Variants in STK32B observed in about 807,000 individuals in gnomAD.
STK32B encodes the protein serine/threonine-protein kinase 32B.
STK32B carries 43 observed loss-of-function variants against 52.6 expected under a neutral mutation model. The ratio of observed to expected loss-of-function variants is 0.82; its 90% CI spans 0.64 to 1.05. The LOEUF is 1.05. Ranked by LOEUF, STK32B falls within the 50% of genes least tolerant of loss-of-function variation. STK32B has a pLI of 0.00. For missense variants in STK32B, 621 were observed against 534.6 expected, an observed-to-expected ratio of 1.16 and a Z score of -1.59; for synonymous variants, 238 against 204.3, an observed-to-expected ratio of 1.17 and a Z score of -1.41.
chr4:5,073,481 A>G (rs1711897290), intron 1 of STK32B, among the ~76,000 whole-genome samples: 1 of 151,886 alleles, frequency 6.6e-6, no homozygotes, highest in Non-Finnish European at 1.5e-5. Flanking sequence ...AACTCATGGT[A>G]TGTGTTATTA....
At position 5,398,964 on chromosome 4, in the gene STK32B, G is replaced by T. The variant is rs374123064; in HGVS notation, c.472+720G>T. Among the ~76,000 whole-genome samples the T allele has an allele frequency of 6.6e-5, 10 of 152,204 alleles. No homozygotes were observed. In the East Asian group the frequency reaches 1.9e-3, roughly 29 times the overall value. ...TACCTGGGGGACCTGGTAAAAATCA[G>T]AGGTCAGGCCCGGTCCTGCTTCAGC... On this transcript the variant is annotated intron_variant, in intron 5 of 11. Coordinates refer to ENST00000282908, the MANE Select transcript of STK32B (RefSeq NM_018401.3). The surrounding 1 kb of genome is among the most constrained non-coding windows in gnomAD (Gnocchi z 4.9).
chr4:5,309,545 A>G (rs1490705969), intron 3 of STK32B, among the ~76,000 whole-genome samples: 3 of 152,222 alleles, frequency 2.0e-5, no homozygotes, highest in East Asian at 3.9e-4. Flanking sequence ...ACATAGACCA[A>G]TGGAGCAGAA....
chr4:5,082,543 A>G (rs990566902), intron 1 of STK32B, among the ~76,000 whole-genome samples: 1 of 152,178 alleles, frequency 6.6e-6, no homozygotes, highest in East Asian at 1.9e-4. Context: ...ATTTTTGTCT[A>G]TCTGATTCAC....
chr4:5,088,427 TTA>T (rs1712858995), intron 1 of STK32B, among the ~76,000 whole-genome samples: 1 of 152,078 alleles, frequency 6.6e-6, no homozygotes, highest in Admixed American at 6.6e-5. Flanking sequence ...TCAATAATAA[TTA>T]TATGTTTTAA....
chr4:5,328,856 C>G (rs186510203), intron 3 of STK32B, among the ~76,000 whole-genome samples: 18 of 152,240 alleles, frequency 1.2e-4, no homozygotes, highest in Admixed American at 1.0e-3. Context: ...ACATGCTCCT[C>G]TCTTTGTTGA....
At chr4:5,247,769 C>G (rs760944208) in intron 3 of STK32B, among the ~76,000 whole-genome samples, 13 of 152,136 alleles carry the variant, frequency 8.5e-5, no homozygotes, top group African/African-American at 2.4e-4. Context: ...ACCCAGAGCC[C>G]TAGCCAAGGA....
intron 3 of STK32B, among the ~76,000 whole-genome samples, chr4:5,298,755 C>T (rs1171553205): frequency 6.6e-6 from 1 of 151,928 alleles, no homozygotes; most frequent in Admixed American, 6.6e-5. Flanking sequence ...TGAGCAAGAC[C>T]ACTTGGCTCC....
chr4:5,155,674 C>T (rs747611894), intron 2 of STK32B, among the ~76,000 whole-genome samples: 7 of 152,084 alleles, frequency 4.6e-5, no homozygotes, highest in African/African-American at 7.3e-5. Flanking sequence ...TGAATTCTCA[C>T]GAGAGCTGAT....
intron 3 of STK32B, among the ~76,000 whole-genome samples, chr4:5,288,851 CA>C (rs1728710252): frequency 1.3e-5 from 2 of 152,164 alleles, no homozygotes; most frequent in South Asian, 2.1e-4. Context: ...TCTGTCAGCA[CA>C]AAACAACTAT....
At chr4:5,099,818 A>G (rs1011527952) in intron 1 of STK32B, among the ~76,000 whole-genome samples, 7 of 152,088 alleles carry the variant, frequency 4.6e-5, no homozygotes, top group Non-Finnish European at 1.0e-4. Flanking sequence ...CATTCTGCTC[A>G]TGAGCTCCCG....
chr4:5,347,894 G>A (rs1226693721), intron 4 of STK32B, among the ~76,000 whole-genome samples: 2 of 152,140 alleles, frequency 1.3e-5, no homozygotes, highest in African/African-American at 4.8e-5. Flanking sequence ...AGAACTATGA[G>A]TCAATTAAGC....
chr4:5,334,163 T>C (rs1371912843), intron 4 of STK32B, among the ~76,000 whole-genome samples: 5 of 151,994 alleles, frequency 3.3e-5, no homozygotes, highest in South Asian at 4.2e-4. Context: ...TGAGCAGTGG[T>C]TTGTAGTTCT....
At chr4:5,482,471 TAAG>T (rs1401639482) in intron 11 of STK32B, among the ~76,000 whole-genome samples, 1 of 152,172 alleles carries the variant, frequency 6.6e-6, no homozygotes, top group Admixed American at 6.5e-5. Context: ...CTTATCAGCT[TAAG>T]GAGATTTTGG....
At position 5,250,513 on chromosome 4, in the gene STK32B, A is replaced by G. The variant is rs374405750; in HGVS notation, c.261-80707A>G. Among the ~76,000 whole-genome samples, 18 of 152,152 alleles carry G rather than the reference A, an allele frequency of 1.2e-4. No homozygotes were observed. The South Asian group carries it at 3.1e-3, about 26-fold the overall frequency. On this transcript the variant is annotated intron_variant, in intron 3 of 11. Transcript: ENST00000282908. Reference sequence around the variant, plus strand: ...GTTTTAGTAGAGAGGAGGTTTCGCCATATTGGCCAGGCTGGTTTCAAACTC... The same window carrying G: ...GTTTTAGTAGAGAGGAGGTTTCGCCGTATTGGCCAGGCTGGTTTCAAACTC...
At position 5,445,125 on chromosome 4, in the gene STK32B, C is replaced by A. The variant is rs372538647; in HGVS notation, c.563-1548C>A. Among the ~76,000 whole-genome samples, 77 of 152,298 alleles carry A rather than the reference C, an allele frequency of 5.1e-4. 4 individuals are homozygous for A. In the South Asian group the frequency reaches 0.01, roughly 21 times the overall value. Reference sequence around the variant, plus strand: ...TCTGAACCTCCCCTGTAAAACATGTCCCCGGAGGCTGTTGTGAAGAGGAAA... The same window carrying A: ...TCTGAACCTCCCCTGTAAAACATGTACCCGGAGGCTGTTGTGAAGAGGAAA... On this transcript the variant is annotated intron_variant, in intron 6 of 11. Transcript: ENST00000282908.
intron 3 of STK32B, among the ~76,000 whole-genome samples, chr4:5,268,281 A>G (rs986856143): frequency 4.6e-5 from 7 of 152,318 alleles, no homozygotes; most frequent in Admixed American, 2.0e-4. Flanking sequence ...ACCACATGCC[A>G]GCCACTCTGG....
At chr4:5,151,276 C>G (rs559037005) in intron 2 of STK32B, among the ~76,000 whole-genome samples, 13 of 152,230 alleles carry the variant, frequency 8.5e-5, no homozygotes, top group African/African-American at 3.1e-4. Context: ...TAATCACTGC[C>G]TTTCATAATA....
chr4:5,021,346 A>C, the STK32B span, among the ~76,000 whole-genome samples: 1 of 152,194 alleles, frequency 6.6e-6, no homozygotes, highest in Non-Finnish European at 1.5e-5. Flanking sequence ...AAGATGACAT[A>C]GGGACCGCGG....
chr4:5,248,825 A>G (rs146674287), intron 3 of STK32B, among the ~76,000 whole-genome samples: 1 of 152,112 alleles, frequency 6.6e-6, no homozygotes, highest in African/African-American at 2.4e-5. Flanking sequence ...TATCGTGAGG[A>G]CAAAAAACCA....
Sources: allele counts gnomAD v4.1 joint callset (sites outside exome capture counted in the v4.1 genomes callset), GRCh38; gene constraint gnomAD v4.1.1; non-coding constraint Gnocchi (gnomAD v3.1); transcripts MANE v1.5; gene names NCBI Gene and HGNC (gene_info 2026-07-23, HGNC 2026-07-21).